DUOXA2: variants seen among roughly 807,000 people sequenced by gnomAD.
DUOXA2 encodes the protein dual oxidase maturation factor 2.
DUOXA2 carries 22 observed loss-of-function variants against 27.6 expected under a neutral mutation model. The observed-to-expected ratio is 0.80, with a 90% CI of 0.57 to 1.14. DUOXA2 has a LOEUF of 1.14. DUOXA2 is among the 50% of genes most tolerant of loss of function. The pLI is 0.00. For missense variants in DUOXA2, 481 were observed against 419.9 expected (o/e 1.15, Z -1.27); for synonymous variants, 188 against 184.4 (o/e 1.02, Z -0.16).
At chr15:45,115,261 T>A (rs536962824) in intron 1 of DUOXA2, 1 of 363,672 alleles carries the variant, frequency 2.7e-6, no homozygotes, top group South Asian at 2.1e-5. Flanking sequence ...TGTCTTAGAC[T>A]TTCCCCCTCT....
At chr15:45,114,833 G>A in intron 1 of DUOXA2, 81 bp downstream of exon 1, 1 of 1,599,198 alleles carries the variant, frequency 6.3e-7, no homozygotes, top group Middle Eastern at 1.8e-4. Flanking sequence ...GGACAGGTAA[G>A]ACTGTACAAG....
At chr15:45,114,873 A>C in intron 1 of DUOXA2, 121 bp downstream of exon 1, 1 of 1,454,614 alleles carries the variant, frequency 6.9e-7, no homozygotes, top group South Asian at 1.2e-5. Flanking sequence ...ATTGAGGCTC[A>C]GGTGGAGTGA....
chr15:45,116,966 C>T, intron 4 of DUOXA2, 125 bp from the exon 5 acceptor site: 1 of 1,249,182 alleles, frequency 8.0e-7, no homozygotes, highest in Non-Finnish European at 1.1e-6. Flanking sequence ...GGGAATTCCC[C>T]TGCACCGCTG....
chr15:45,114,761 G>T lies in DUOXA2; in HGVS notation c.147+9G>T, dbSNP rs1894560917. 6.2e-7 allele frequency: 1 copy of T among 1,614,084 alleles called. No homozygotes were observed. Among genetic ancestry groups the T allele is most frequent in the Non-Finnish European group, 8.5e-7 (1 of 1,180,050 alleles). ...GGATCCGTGGCCACTCGGTAAGGGT[G>T]TCCTCATAGTGCAGGTAGAGTGGGG... is the stretch of plus-strand genomic sequence containing the variant. On this transcript the variant is annotated intron_variant, in intron 1 of 5. Transcript: ENST00000323030.
At chr15:45,115,458 A>G (rs1460318387) in intron 1 of DUOXA2, 1 of 530,170 alleles carries the variant, frequency 1.9e-6, no homozygotes, top group Admixed American at 2.2e-5. Flanking sequence ...GCACTTCTGG[A>G]CTCACTGAGC....
At position 45,117,315 on chromosome 15, in the gene DUOXA2, G is replaced by A. The variant is rs766993342; in HGVS notation, c.769+10G>A. 2 of 1,582,326 alleles carry A rather than the reference G, an allele frequency of 1.3e-6. No individual in the cohort carries two copies. The highest frequency in any genetic ancestry group is 1.1e-5 in the South Asian group (1 of 87,518). ...GTCACGCTGGCAACCGGTGAGGACC[G>A]AGAGAATGGGCCCCGGGGGCTAAGG... On this transcript the variant is annotated intron_variant, in intron 5 of 5. Coordinates refer to ENST00000323030, the MANE Select transcript of DUOXA2 (RefSeq NM_207581.4).
chr15:45,117,825 A>T lies in DUOXA2; in HGVS notation c.879A>T (p.Arg293Ser), dbSNP rs1388550809. 1 of 1,613,840 alleles carries T rather than the reference A, an allele frequency of 6.2e-7. No individual in the cohort carries two copies. The highest frequency in any genetic ancestry group is 1.1e-5 in the South Asian group (1 of 91,088). Reference sequence around the variant, plus strand: ...GCGCCAAGGACTGCAGCCAGGAGAGAGGGGGCTCACCTCTTATCCTCGGCG... The same window carrying T: ...GCGCCAAGGACTGCAGCCAGGAGAGTGGGGGCTCACCTCTTATCCTCGGCG... ...DQSAKDCSQE[R>S]GGSPLILGDP... The change falls in exon 6 of 6, where the codon AGA becomes AGT. Residue 293 changes from arginine (R) to serine (S), a missense_variant. Transcript: ENST00000323030.
In DUOXA2 at chr15:45,114,503, T is replaced by G. The variant is rs1039194576; in HGVS notation, c.-103T>G. On this transcript the variant is annotated 5_prime_UTR_variant, in exon 1 of 6. Transcript: ENST00000323030. The stretch of plus-strand genomic sequence containing the variant: ...TTCACCAGCCCACTCGGTCCCAGCC[T>G]TGTACGCAAAGAGACGCCAAGGACG... 22 of 1,528,400 alleles carry G rather than the reference T, an allele frequency of 1.4e-5. No homozygotes were observed. The African/African-American group carries it at 2.9e-4, about 20-fold the overall frequency. 94.7% of individuals were successfully genotyped at this position (1,528,400 alleles called of 1,614,324 possible). A position where few individuals can be genotyped will look rare whatever the true frequency, so the allele number is the denominator to read the frequency against.
At chr15:45,115,153 T>A (rs1043062318) in intron 1 of DUOXA2, among the ~76,000 whole-genome samples, 19 of 152,152 alleles carry the variant, frequency 1.2e-4, no homozygotes, top group African/African-American at 4.6e-4. Context: ...ACTGCAGTGT[T>A]CCCCTTTGCA....
In DUOXA2 at chr15:45,116,616, G is replaced by A; in HGVS notation, c.441G>A (p.Glu147=). The stretch of plus-strand genomic sequence containing the variant: ...CCGCGGAGTACGCGAACGCACTGGA[G>A]AAGGGGCTGCCGGACCCAGTGCTCT... ...NYAAEYANAL[E]KGLPDPVLYL... Residue 147 remains glutamate, a synonymous_variant, in exon 4 of 6, where the codon GAG becomes GAA. Coordinates refer to ENST00000323030, the MANE Select transcript of DUOXA2 (RefSeq NM_207581.4). 6.2e-7 allele frequency: 1 copy of A among 1,614,006 alleles called. No homozygotes were observed. Among genetic ancestry groups the A allele is most frequent in the Non-Finnish European group, 8.5e-7 (1 of 1,180,036 alleles).
At chr15:45,115,219 T>C (rs899106090) in intron 1 of DUOXA2, 1 of 353,378 alleles carries the variant, frequency 2.8e-6, no homozygotes, top group African/African-American at 2.1e-5. Flanking sequence ...GACTCCCACA[T>C]TGGATTAGAA....
chr15:45,116,314 AGT>A, intron 3 of DUOXA2, 56 bp downstream of exon 3: 1 of 1,608,394 alleles, frequency 6.2e-7, no homozygotes, highest in South Asian at 1.1e-5. Context: ...CGGTTAGGTG[AGT>A]GTGTCAGGGA....
At chr15:45,115,448 G>C (rs1349573715) in intron 1 of DUOXA2, 3 of 519,162 alleles carry the variant, frequency 5.8e-6, no homozygotes, top group Non-Finnish European at 1.1e-5. Context: ...TGCGTGCCTA[G>C]CACTTCTGGA....
chr15:45,114,451 C>T lies in DUOXA2; in HGVS notation c.-155C>T. 1 of 1,009,458 alleles carries T rather than the reference C, an allele frequency of 9.9e-7. No homozygotes were observed. The highest frequency in any genetic ancestry group is 1.5e-6 in the Non-Finnish European group (1 of 680,210). The allele number at this position is 1,009,458 out of a possible 1,614,324, so 62.5% of individuals were successfully genotyped here. ...TGAGAGCAGCCCACCTCCACGCTTC[C>T]TTAACGGAGAGGTGCAGGACTCAGA... On this transcript the variant is annotated 5_prime_UTR_variant, in exon 1 of 6. Transcript: ENST00000323030.
Position 45,114,555 on chromosome 15 carries a change from G to T in DUOXA2, c.-51G>T. On this transcript the variant is annotated 5_prime_UTR_variant, in exon 1 of 6. Coordinates refer to ENST00000323030, the MANE Select transcript of DUOXA2 (RefSeq NM_207581.4). ...GCTCTCCCGCGTCCAGGCAGCCCCAGCTTGCTGGCTTGCCTGCCCGCCTGC... is the reference window on the plus strand; with the variant it reads ...GCTCTCCCGCGTCCAGGCAGCCCCATCTTGCTGGCTTGCCTGCCCGCCTGC... 1.2e-6 allele frequency: 2 copies of T among 1,609,824 alleles called. No homozygotes were observed. Among genetic ancestry groups the T allele is most frequent in the Non-Finnish European group, 1.7e-6 (2 of 1,179,018 alleles).
chr15:45,116,570 G>C lies in DUOXA2; in HGVS notation c.395G>C (p.Trp132Ser). Residue 132 changes from tryptophan to serine, a missense_variant, in exon 4 of 6, where the codon TGG becomes TCG. Trp to Ser is a radical substitution (Grantham distance 177, BLOSUM62 -3). Coordinates refer to ENST00000323030, the MANE Select transcript of DUOXA2 (RefSeq NM_207581.4). ...ETIDYNEQFT[W>S]RLKENYAAEY... ...ATTGACTACAACGAGCAGTTCACCT[G>C]GCGTCTGAAAGAGAATTACGCCGCG... 1 of 1,614,054 alleles carries C rather than the reference G, an allele frequency of 6.2e-7. No individual in the cohort carries two copies. Among genetic ancestry groups the C allele is most frequent in the Non-Finnish European group, 8.5e-7 (1 of 1,180,046 alleles).
chr15:45,115,893 G>A (rs1441205144), intron 2 of DUOXA2, 37 bp downstream of exon 2: 1 of 1,613,848 alleles, frequency 6.2e-7, no homozygotes, highest in African/African-American at 1.3e-5. Flanking sequence ...AGAGGACGGG[G>A]TGAGGAAGGA....
At chr15:45,117,381 A>G in intron 5 of DUOXA2, 76 bp downstream of exon 5, 1 of 1,503,548 alleles carries the variant, frequency 6.7e-7, no homozygotes, top group Non-Finnish European at 8.9e-7. Context: ...TTTCCAGTTT[A>G]CAGAATGAAT....
At chr15:45,116,320 T>A in intron 3 of DUOXA2, 62 bp downstream of exon 3, 1 of 1,605,642 alleles carries the variant, frequency 6.2e-7, no homozygotes. Context: ...GGTGAGTGTG[T>A]CAGGGATAGC....
Sources: gnomAD v4.1 joint callset for allele counts (sites outside exome capture counted in the v4.1 genomes callset) on GRCh38, gnomAD v4.1.1 for gene constraint, MANE v1.5 for transcripts, NCBI Gene and HGNC (gene_info 2026-07-23, HGNC 2026-07-21) for gene names.